The following STXBP5L variants were observed in gnomAD, a reference collection of about 807,000 sequenced individuals.
STXBP5L encodes the protein syntaxin-binding protein 5-like.
A neutral mutation model predicts 144.5 loss-of-function variants in STXBP5L; 65 were observed. The observed-to-expected ratio is 0.45, with a 90% CI of 0.37 to 0.55. STXBP5L has a LOEUF of 0.55. Ranked by LOEUF, STXBP5L falls within the 20% of genes least tolerant of loss-of-function variation. The pLI, the probability that STXBP5L is intolerant of heterozygous loss-of-function variation, is 0.00. For missense variants in STXBP5L, 1,298 were observed against 1,405.5 expected (o/e 0.92, Z 1.22); for synonymous variants, 505 against 469.6 (o/e 1.08, Z -0.97).
At chr3:121,311,521 A>T (rs1213505708) in intron 19 of STXBP5L, among the ~76,000 whole-genome samples, 2 of 152,214 alleles carry the variant, frequency 1.3e-5, no homozygotes, top group African/African-American at 4.8e-5. Context: ...TATATACAAA[A>T]ATCACAAGCA....
At chr3:121,164,031 A>G (rs1405773016) in intron 9 of STXBP5L, among the ~76,000 whole-genome samples, 1 of 152,252 alleles carries the variant, frequency 6.6e-6, no homozygotes, top group East Asian at 1.9e-4. Context: ...TCATCAACAC[A>G]ATTCTTTTAA....
In STXBP5L at chr3:121,076,904, G is replaced by T. The variant is rs2042041404; in HGVS notation, c.470+31369G>T. Among the ~76,000 whole-genome samples, 4 of 152,160 alleles carry T rather than the reference G, an allele frequency of 2.6e-5. No individual in the cohort carries two copies. The South Asian group carries it at 6.2e-4, about 24-fold the overall frequency. On this transcript the variant is annotated intron_variant, in intron 5 of 26. Coordinates refer to ENST00000471454, the MANE Select transcript of STXBP5L (RefSeq NM_001308330.2). Reference sequence around the variant, plus strand: ...TTACAGGAGGTTTTGATACTACTTAGCCCGGAGAGTGCCTTAATTCCTGTC... The same window carrying T: ...TTACAGGAGGTTTTGATACTACTTATCCCGGAGAGTGCCTTAATTCCTGTC...
intron 21 of STXBP5L, among the ~76,000 whole-genome samples, chr3:121,379,414 G>A (rs2046273102): frequency 6.6e-6 from 1 of 152,028 alleles, no homozygotes; most frequent in African/African-American, 2.4e-5. Flanking sequence ...AAGAGCCAGA[G>A]ACCAGAAATT....
intron 20 of STXBP5L, among the ~76,000 whole-genome samples, chr3:121,334,689 T>A (rs1168117775): frequency 6.6e-6 from 1 of 152,178 alleles, no homozygotes; most frequent in Non-Finnish European, 1.5e-5. Context: ...GTCCGACATA[T>A]GCAAATCAAT....
At chr3:121,067,574 T>C (rs2041606729) in intron 5 of STXBP5L, among the ~76,000 whole-genome samples, 1 of 152,164 alleles carries the variant, frequency 6.6e-6, no homozygotes, top group African/African-American at 2.4e-5. Flanking sequence ...CACAAACTAA[T>C]TTTACTATTC....
intron 25 of STXBP5L, 41 bp downstream of exon 25, chr3:121,416,009 A>G: frequency 6.6e-7 from 1 of 1,518,408 alleles, no homozygotes; most frequent in Non-Finnish European, 9.1e-7. Context: ...TGCAAAATAG[A>G]AGACGTTTCT....
chr3:121,320,064 A>G (rs1014662199), intron 20 of STXBP5L, among the ~76,000 whole-genome samples: 2 of 152,206 alleles, frequency 1.3e-5, no homozygotes, highest in African/African-American at 4.8e-5. Context: ...TTCACACACA[A>G]ACATGCTTAG....
At chr3:121,346,575 A>C (rs951985868) in intron 20 of STXBP5L, among the ~76,000 whole-genome samples, 2 of 152,150 alleles carry the variant, frequency 1.3e-5, no homozygotes, top group Non-Finnish European at 2.9e-5. Context: ...CCAACAGTGT[A>C]AAAGTGTTCC....
In STXBP5L at chr3:121,115,166, T is replaced by C. The variant is rs552907469; in HGVS notation, c.605+107T>C. On this transcript the variant is annotated intron_variant, in intron 6 of 26. Transcript: ENST00000471454. The stretch of plus-strand genomic sequence containing the variant: ...TGATACGTCTATTACTAATTTATAA[T>C]GAATTTGAGTGAAAAGTTCAGTAAA... 1.0e-4 allele frequency: 111 copies of C among 1,103,738 alleles called. No individual in the cohort carries two copies. In the African/African-American group the frequency reaches 1.4e-3, roughly 14 times the overall value. The allele number at this position is 1,103,738 out of a possible 1,614,324, so 68.4% of individuals were successfully genotyped here.
chr3:121,182,001 A>G (rs141646757), intron 9 of STXBP5L, among the ~76,000 whole-genome samples: 587 of 152,258 alleles, frequency 3.9e-3, no homozygotes, highest in Non-Finnish European at 6.6e-3. Flanking sequence ...TGTACCTAAC[A>G]CTGGTGCTCC....
intron 3 of STXBP5L, among the ~76,000 whole-genome samples, chr3:121,036,902 A>G (rs909511661): frequency 6.6e-6 from 1 of 150,848 alleles, no homozygotes; most frequent in Non-Finnish European, 1.5e-5. Context: ...CACTGGTTAT[A>G]TTATATAATT....
chr3:121,201,070 A>G (rs994026514), intron 9 of STXBP5L, among the ~76,000 whole-genome samples: 1 of 152,104 alleles, frequency 6.6e-6, no homozygotes, highest in Non-Finnish European at 1.5e-5. Flanking sequence ...TCTGTCTAAT[A>G]TTGATAGTGG....
At chr3:121,341,169 AG>A (rs2044696257) in intron 20 of STXBP5L, among the ~76,000 whole-genome samples, 1 of 152,142 alleles carries the variant, frequency 6.6e-6, no homozygotes. Context: ...GTAGGAAAAA[AG>A]CTAATAGTCT....
intron 5 of STXBP5L, among the ~76,000 whole-genome samples, chr3:121,084,966 T>A (rs540575200): frequency 6.6e-6 from 1 of 152,250 alleles, no homozygotes; most frequent in East Asian, 1.9e-4. Context: ...TAATGATCAA[T>A]GATGTTGACT....
chr3:121,173,454 G>A (rs749174307), intron 9 of STXBP5L, among the ~76,000 whole-genome samples: 5 of 151,762 alleles, frequency 3.3e-5, no homozygotes, highest in Admixed American at 6.6e-5. Context: ...AGGTTGTAGG[G>A]CAAACAACTA....
At chr3:121,041,070 T>TA (rs1363083380) in intron 3 of STXBP5L, among the ~76,000 whole-genome samples, 1 of 151,186 alleles carries the variant, frequency 6.6e-6, no homozygotes, top group South Asian at 2.1e-4. Context: ...CTTTTTTTTT[T>TA]ACCTTCATTC....
intron 7 of STXBP5L, among the ~76,000 whole-genome samples, chr3:121,150,717 T>C (rs2045901680): frequency 6.6e-6 from 1 of 152,156 alleles, no homozygotes; most frequent in Non-Finnish European, 1.5e-5. Flanking sequence ...TTGCTTAAGT[T>C]ATATTTTCTA....
At chr3:121,326,301 T>C (rs1356169234) in intron 20 of STXBP5L, among the ~76,000 whole-genome samples, 1 of 152,006 alleles carries the variant, frequency 6.6e-6, no homozygotes, top group African/African-American at 2.4e-5. Flanking sequence ...ATTAGAGATA[T>C]GTAGGCTTTT....
chr3:121,178,153 G>T (rs2047007897), intron 9 of STXBP5L, among the ~76,000 whole-genome samples: 1 of 152,096 alleles, frequency 6.6e-6, no homozygotes. Context: ...ATTGTTAATG[G>T]GTTCAGAGTT....
Sources: allele counts gnomAD v4.1 joint callset (sites outside exome capture counted in the v4.1 genomes callset), GRCh38; gene constraint gnomAD v4.1.1; transcripts MANE v1.5; gene names NCBI Gene and HGNC (gene_info 2026-07-23, HGNC 2026-07-21).